Variants in SH3BGRL2 observed in about 807,000 individuals in gnomAD.
SH3BGRL2 encodes SH3 domain binding glutamate rich protein like 2.
SH3BGRL2 carries 21 observed loss-of-function variants against 14.8 expected under a neutral mutation model. That is an observed-to-expected ratio of 1.42 (90% CI 1.01 to 2.05). The LOEUF (loss-of-function observed/expected upper bound fraction) is 2.05, where lower values mean the gene tolerates loss of function less well. Among genes scored for constraint, SH3BGRL2 ranks in the 30% most tolerant of loss-of-function variants. The probability of loss-of-function intolerance (pLI) is 0.00; values close to 1 mark genes in which losing one functional copy is unlikely to be tolerated. For missense variants in SH3BGRL2, 147 were observed against 130.8 expected (o/e 1.12, Z -0.61); for synonymous variants, 50 against 47.8 (o/e 1.05, Z -0.19).
intron 2 of SH3BGRL2, among the ~76,000 whole-genome samples, chr6:79,678,581 T>C (rs1045493576): frequency 2.0e-5 from 3 of 152,266 alleles, no homozygotes; most frequent in Non-Finnish European, 4.4e-5. Context: ...TTGTGAATAG[T>C]GCTGCTATGA....
intron 1 of SH3BGRL2, among the ~76,000 whole-genome samples, chr6:79,637,905 T>TG (rs35091947): frequency 0.54 from 82,194 of 151,874 alleles, 22,427 homozygotes; most frequent in South Asian, 0.7. Context: ...AATTCTGGAA[T>TG]ATACTTCAAA....
chr6:79,691,668 C>T (rs1248939675), intron 2 of SH3BGRL2, among the ~76,000 whole-genome samples: 4 of 151,030 alleles, frequency 2.6e-5, no homozygotes, highest in East Asian at 1.9e-4. Context: ...ATCCATGTCC[C>T]TACAAAGGAC....
the SH3BGRL2 span, among the ~76,000 whole-genome samples, chr6:79,569,020 C>A: frequency 2.0e-5 from 3 of 152,108 alleles, no homozygotes; most frequent in African/African-American, 7.2e-5. Flanking sequence ...ATTCTGAGAA[C>A]ATGTGCCCAA....
chr6:79,691,678 C>T (rs1366438313), intron 2 of SH3BGRL2, among the ~76,000 whole-genome samples: 70 of 151,148 alleles, frequency 4.6e-4, no homozygotes, highest in African/African-American at 1.6e-3. Flanking sequence ...CTACAAAGGA[C>T]ATGAACTCAT....
chr6:79,660,378 T>TC (rs1367746369), intron 1 of SH3BGRL2, among the ~76,000 whole-genome samples: 4 of 152,260 alleles, frequency 2.6e-5, no homozygotes, highest in African/African-American at 4.8e-5. Context: ...AAATGCCTTT[T>TC]TGCATCTATT....
At position 79,700,843 on chromosome 6, in the gene SH3BGRL2, G is replaced by A. The variant is rs1349252249; in HGVS notation, c.*1334G>A. 2.0e-5 allele frequency: 3 copies of A among 151,968 alleles called. No homozygotes were observed. The highest frequency in any genetic ancestry group is 2.9e-5 in the Non-Finnish European group (2 of 68,002). 9.4% of individuals were successfully genotyped at this position (151,968 alleles called of 1,614,324 possible). On this transcript the variant is annotated 3_prime_UTR_variant, in exon 4 of 4. Coordinates refer to ENST00000369838, the MANE Select transcript of SH3BGRL2 (RefSeq NM_031469.4). ...TAGAGTTTTAAATTGCCAAACATGG[G>A]AACAGCCTTGAATAGGATAAATTTT...
At position 79,681,409 on chromosome 6, in the gene SH3BGRL2, A is replaced by G. The variant is rs560958598; in HGVS notation, c.231+7610A>G. ...TAAGATTATGTTAAAGCTTTTTACT[A>G]GTTTTGTGAAGTAGTGATTTGGGGC... is the stretch of plus-strand genomic sequence containing the variant. On this transcript the variant is annotated intron_variant, in intron 2 of 3. Coordinates refer to ENST00000369838, the MANE Select transcript of SH3BGRL2 (RefSeq NM_031469.4). 2.6e-5 allele frequency among the ~76,000 whole-genome samples: 4 copies of G among 152,176 alleles called. No individual in the cohort carries two copies. The South Asian group carries it at 6.2e-4, about 24-fold the overall frequency.
At chr6:79,550,957 A>C in the SH3BGRL2 span, among the ~76,000 whole-genome samples, 1 of 152,180 alleles carries the variant, frequency 6.6e-6, no homozygotes, top group East Asian at 1.9e-4. Flanking sequence ...TCACAAAACC[A>C]GCGAAGATTT....
At chr6:79,609,420 C>G in the SH3BGRL2 span, among the ~76,000 whole-genome samples, 1 of 152,028 alleles carries the variant, frequency 6.6e-6, no homozygotes. Flanking sequence ...CCTATCTTTC[C>G]AGACTCAGGG....
chr6:79,570,366 T>C, the SH3BGRL2 span, among the ~76,000 whole-genome samples: 4 of 152,210 alleles, frequency 2.6e-5, no homozygotes, highest in African/African-American at 9.6e-5. Context: ...TCTGGAGTGC[T>C]AGCTCAAATC....
chr6:79,575,342 G>A, the SH3BGRL2 span: 6 of 152,122 alleles, frequency 3.9e-5, no homozygotes, highest in East Asian at 7.7e-4. Flanking sequence ...CAGTTTATAC[G>A]AGAGCTGAGT....
chr6:79,692,504 T>C (rs1480003517), intron 2 of SH3BGRL2, among the ~76,000 whole-genome samples: 1 of 152,226 alleles, frequency 6.6e-6, no homozygotes, highest in Non-Finnish European at 1.5e-5. Flanking sequence ...AACATTTAAG[T>C]CTTTAATCCA....
chr6:79,551,154 C>T, the SH3BGRL2 span, among the ~76,000 whole-genome samples: 1 of 152,174 alleles, frequency 6.6e-6, no homozygotes, highest in Non-Finnish European at 1.5e-5. Context: ...TTTTGAAGGA[C>T]ATTTTGTTAC....
At chr6:79,548,256 G>A in the SH3BGRL2 span, among the ~76,000 whole-genome samples, 1 of 152,084 alleles carries the variant, frequency 6.6e-6, no homozygotes, top group African/African-American at 2.4e-5. Context: ...ATCATTTATA[G>A]TAGGTTTATA....
At chr6:79,591,965 G>A in the SH3BGRL2 span, among the ~76,000 whole-genome samples, 72 of 152,242 alleles carry the variant, frequency 4.7e-4, 1 homozygote, top group East Asian at 9.9e-3. Context: ...TGACCTCATA[G>A]GTCTTTCATG....
chr6:79,627,910 T>A (rs1221680070), upstream of SH3BGRL2, among the ~76,000 whole-genome samples: 23 of 152,094 alleles, frequency 1.5e-4, no homozygotes. Context: ...ATTTAGGGGG[T>A]TCATGGACTT....
At chr6:79,631,273 C>G (rs577595281), upstream of SH3BGRL2, 784 of 433,336 alleles carry the variant, frequency 1.8e-3, 8 homozygotes, top group East Asian at 1.0e-3. Flanking sequence ...CCTTCCCCTT[C>G]AGCCTGCGGC....
the SH3BGRL2 span, among the ~76,000 whole-genome samples, chr6:79,561,819 C>T: frequency 6.6e-6 from 1 of 152,148 alleles, no homozygotes; most frequent in East Asian, 1.9e-4. Flanking sequence ...TCAAGCTGAG[C>T]CAATCATGTT....
the SH3BGRL2 span, among the ~76,000 whole-genome samples, chr6:79,540,448 TAAATAAATA>T: frequency 2.0e-5 from 3 of 151,532 alleles, no homozygotes; most frequent in Non-Finnish European, 4.4e-5. Flanking sequence ...AATAAATAAA[TAAATAAATA>T]AAATAAATAA....
Sources: gnomAD v4.1 joint callset for allele counts (sites outside exome capture counted in the v4.1 genomes callset) on GRCh38, gnomAD v4.1.1 for gene constraint, MANE v1.5 for transcripts, NCBI Gene and HGNC (gene_info 2026-07-23, HGNC 2026-07-21) for gene names.